The following LDLRAD1 variants were observed in gnomAD, a reference collection of about 807,000 sequenced individuals.
LDLRAD1 encodes low density lipoprotein receptor class A domain containing 1.
Under a neutral mutation model 24.8 loss-of-function variants are expected in LDLRAD1, and 17 were observed. The observed-to-expected ratio is 0.69, with a 90% confidence interval of 0.47 to 1.03. The LOEUF (loss-of-function observed/expected upper bound fraction) is 1.03, where lower values mean the gene tolerates loss of function less well. Among genes scored for constraint, LDLRAD1 ranks in the 50% least tolerant of loss-of-function variants. The pLI is 0.00. For missense variants in LDLRAD1, 277 were observed against 271.0 expected, an observed-to-expected ratio of 1.02 and a Z score of -0.16; for synonymous variants, 103 against 108.2, an observed-to-expected ratio of 0.95 and a Z score of 0.30.
In LDLRAD1 at chr1:54,010,413, G is replaced by A. The variant is rs767577656; in HGVS notation, c.341-3C>T. 22 of 1,613,876 alleles carry A rather than the reference G, an allele frequency of 1.4e-5. No individual in the cohort carries two copies. Among genetic ancestry groups the A allele is most frequent in the Non-Finnish European group, 1.8e-5 (21 of 1,180,010 alleles). The stretch of plus-strand genomic sequence containing the variant: ...GGGGAGGCTCTGGGGCACATCTCCT[G>A]TAGAGGTACAGAGGAGGCAGGAAGA... On this transcript the variant is annotated splice_region_variant and splice_polypyrimidine_tract_variant and intron_variant, in intron 4 of 5. Transcript: ENST00000371360.
intron 3 of LDLRAD1, 74 bp from the exon 4 acceptor site, chr1:54,012,354 C>G: frequency 6.5e-7 from 1 of 1,536,172 alleles, no homozygotes; most frequent in Non-Finnish European, 9.0e-7. Flanking sequence ...ACCTGAACTC[C>G]GCCTAGAGCT....
Position 54,014,243 on chromosome 1 carries a change from G to A in LDLRAD1, c.195C>T (p.Cys65=), listed in dbSNP as rs1285124750. ...TCTCTTGGCCGCCCTGACCTGGGGTGCATGATGGGAGTCCAAGAATGGTGA... is the reference window on the plus strand; with the variant it reads ...TCTCTTGGCCGCCCTGACCTGGGGTACATGATGGGAGTCCAAGAATGGTGA... The part of the protein sequence containing the change: ...ALVTILGLPS[C]TPGAQACITL... The change falls in exon 3 of 6, where the codon TGC becomes TGT. Residue 65 remains cysteine, a synonymous_variant. Coordinates refer to ENST00000371360, the MANE Select transcript of LDLRAD1 (RefSeq NM_001010978.4). The A allele has an allele frequency of 6.4e-6, 10 of 1,565,630 alleles. No individual in the cohort carries two copies. The highest frequency in any genetic ancestry group is 2.4e-5 in the South Asian group (2 of 85,030).
chr1:54,010,693 C>T (rs1244838848), intron 4 of LDLRAD1, among the ~76,000 whole-genome samples: 1 of 152,164 alleles, frequency 6.6e-6, no homozygotes, highest in Non-Finnish European at 1.5e-5. Flanking sequence ...ACTATGCCCC[C>T]CTCCACAAAG....
chr1:54,016,506 A>G (rs182737629), intron 2 of LDLRAD1, among the ~76,000 whole-genome samples: 1 of 152,330 alleles, frequency 6.6e-6, no homozygotes, highest in African/African-American at 2.4e-5. Flanking sequence ...GAAAGCCCTT[A>G]GGTGCCAGTC....
rs753363381 is a variant in LDLRAD1 at position 54,010,272 on chromosome 1, A to C, written c.469+10T>G. On this transcript the variant is annotated intron_variant, in intron 5 of 5. Coordinates refer to ENST00000371360, the MANE Select transcript of LDLRAD1 (RefSeq NM_001010978.4). ...ACCAGCCCCAGCCCAGCCTGTGCCCAGACCCCTACCTGGGCTCAGTTCATC... is the reference window on the plus strand; with the variant it reads ...ACCAGCCCCAGCCCAGCCTGTGCCCCGACCCCTACCTGGGCTCAGTTCATC... 6.2e-7 allele frequency: 1 copy of C among 1,613,774 alleles called. No homozygotes were observed.
intron 2 of LDLRAD1, among the ~76,000 whole-genome samples, chr1:54,016,258 C>T (rs1339170690): frequency 1.3e-5 from 2 of 152,102 alleles, no homozygotes; most frequent in Non-Finnish European, 2.9e-5. Context: ...GGAGAGGCAG[C>T]ATAAATCTAA....
chr1:54,015,566 G>A (rs2100263444), intron 2 of LDLRAD1, among the ~76,000 whole-genome samples: 1 of 152,284 alleles, frequency 6.6e-6, no homozygotes, highest in African/African-American at 2.4e-5. Context: ...GTACCTCAGA[G>A]AAAGGGGCAG....
rs112750007 is a variant in LDLRAD1 at position 54,010,497 on chromosome 1, C to T, written c.341-87G>A. On this transcript the variant is annotated intron_variant, in intron 4 of 5. Transcript: ENST00000371360. Reference sequence around the variant, plus strand: ...TCGGGAGGAGGATTGACCACCCTGGCAGTGGCCAAACTCAGGATCAGTGCC... The same window carrying T: ...TCGGGAGGAGGATTGACCACCCTGGTAGTGGCCAAACTCAGGATCAGTGCC... The T allele has an allele frequency of 1.1e-3, 1,568 of 1,413,834 alleles. 16 individuals are homozygous for T. The African/African-American group carries it at 0.019, about 17-fold the overall frequency. 87.6% of individuals were successfully genotyped at this position (1,413,834 alleles called of 1,614,324 possible).
chr1:54,012,844 C>T (rs1656119958), intron 3 of LDLRAD1, among the ~76,000 whole-genome samples: 1 of 152,126 alleles, frequency 6.6e-6, no homozygotes, highest in Non-Finnish European at 1.5e-5. Flanking sequence ...CATCATTAGC[C>T]CCCCATATGG....
intron 2 of LDLRAD1, among the ~76,000 whole-genome samples, chr1:54,017,088 T>A (rs1034112130): frequency 6.6e-6 from 1 of 152,202 alleles, no homozygotes; most frequent in African/African-American, 2.4e-5. Flanking sequence ...ACGCTGGTGC[T>A]CTTTTCTCTG....
In LDLRAD1 at chr1:54,008,169, A is replaced by G. The variant is rs555763147; in HGVS notation, c.*813T>C. On this transcript the variant is annotated 3_prime_UTR_variant, in exon 6 of 6. Transcript: ENST00000371360. ...GCTCTTTCTCCAGATCTTCTATTCT[A>G]CAGCTCAGAGCTTCCTGGGGTGGCT... The G allele has an allele frequency of 6.6e-5, 10 of 152,352 alleles. No individual in the cohort carries two copies. Among genetic ancestry groups the G allele is most frequent in the African/African-American group, 2.4e-4 (10 of 41,554 alleles). 9.4% of individuals were successfully genotyped at this position (152,352 alleles called of 1,614,324 possible). A position where few individuals can be genotyped will look rare whatever the true frequency, so the allele number is the denominator to read the frequency against.
intron 3 of LDLRAD1, among the ~76,000 whole-genome samples, chr1:54,014,010 A>G (rs1000651175): frequency 2.6e-5 from 4 of 152,096 alleles, no homozygotes; most frequent in African/African-American, 9.7e-5. Context: ...GTGACATCAG[A>G]GCTGGGTCCT....
rs72664116 is a variant in LDLRAD1, at chr1:54,007,943, A to T, written c.*1039T>A. The T allele has an allele frequency of 0.023, 3,537 of 152,306 alleles. 59 individuals carry two copies. Among genetic ancestry groups the T allele is most frequent in the Non-Finnish European group, 0.036 (2,482 of 68,066 alleles). 9.4% of individuals were successfully genotyped at this position (152,306 alleles called of 1,614,324 possible). Reference sequence around the variant, plus strand: ...TCTCATCCATCTAATGGAAATATTCATCCTTGCCTGCCTGGGTGGTGTGAA... The same window carrying T: ...TCTCATCCATCTAATGGAAATATTCTTCCTTGCCTGCCTGGGTGGTGTGAA... On this transcript the variant is annotated 3_prime_UTR_variant, in exon 6 of 6. Coordinates refer to ENST00000371360, the MANE Select transcript of LDLRAD1 (RefSeq NM_001010978.4).
At chr1:54,014,811 G>A (rs1656231188) in intron 2 of LDLRAD1, among the ~76,000 whole-genome samples, 1 of 152,218 alleles carries the variant, frequency 6.6e-6, no homozygotes, top group Non-Finnish European at 1.5e-5. Context: ...ACCCTGGGTG[G>A]AGCTGGCGTG....
chr1:54,014,506 A>T, intron 2 of LDLRAD1, 142 bp from the exon 3 acceptor site: 1 of 793,910 alleles, frequency 1.3e-6, no homozygotes, highest in East Asian at 2.7e-5. Context: ...TCCCTGGAGG[A>T]GCAGCTCCCA....
At chr1:54,014,430 T>C in intron 2 of LDLRAD1, 66 bp from the exon 3 acceptor site, 1 of 1,433,940 alleles carries the variant, frequency 7.0e-7, no homozygotes, top group Non-Finnish European at 9.5e-7. Flanking sequence ...AACAGGGAGC[T>C]CCCTCTCCGC....
At chr1:54,014,128 C>A in intron 3 of LDLRAD1, 108 bp downstream of exon 3, 3 of 1,366,314 alleles carry the variant, frequency 2.2e-6, no homozygotes, top group Non-Finnish European at 2.0e-6. Context: ...GGAATTAGTC[C>A]AAAGTCACCT....
Position 54,008,890 on chromosome 1 carries a change from CTT to C in LDLRAD1, c.*90_*91del. 1 of 1,042,078 alleles carries C rather than the reference CTT, an allele frequency of 9.6e-7. No homozygotes were observed. The allele number at this position is 1,042,078 out of a possible 1,614,324, so 64.6% of individuals were successfully genotyped here. A position where few individuals can be genotyped will look rare whatever the true frequency, so the allele number is the denominator to read the frequency against. On this transcript the variant is annotated 3_prime_UTR_variant, in exon 6 of 6. Coordinates refer to ENST00000371360, the MANE Select transcript of LDLRAD1 (RefSeq NM_001010978.4). Reference sequence around the variant, plus strand: ...TGTGTAGATCCCATTTCAAAGGCTGCTTCCTGCCCTTGTGCGCTAGGATTTGA... The same window carrying C: ...TGTGTAGATCCCATTTCAAAGGCTGCCCTGCCCTTGTGCGCTAGGATTTGA...
intron 2 of LDLRAD1, among the ~76,000 whole-genome samples, chr1:54,015,903 C>T (rs1315231568): frequency 6.6e-6 from 1 of 152,126 alleles, no homozygotes; most frequent in African/African-American, 2.4e-5. Flanking sequence ...GATCCGCCCA[C>T]CTTGGCCTCC....
Sources: gnomAD v4.1 joint callset for allele counts (sites outside exome capture counted in the v4.1 genomes callset) on GRCh38, gnomAD v4.1.1 for gene constraint, MANE v1.5 for transcripts, NCBI Gene and HGNC (gene_info 2026-07-23, HGNC 2026-07-21) for gene names.